Variants in POLR1D observed in about 807,000 individuals in gnomAD.
The protein encoded by POLR1D is DNA-directed RNA polymerases I and III subunit RPAC2.
A neutral mutation model predicts 10.8 loss-of-function variants in POLR1D; 8 were observed. That is an observed-to-expected ratio of 0.74 (90% confidence interval 0.43 to 1.33). The LOEUF (loss-of-function observed/expected upper bound fraction) is 1.33. Among genes scored for constraint, POLR1D ranks in the 40% most tolerant of loss-of-function variants. The probability of loss-of-function intolerance (pLI) is 0.01; values close to 1 mark genes in which losing one functional copy is unlikely to be tolerated. For synonymous variants in POLR1D, 54 were observed against 57.2 expected (o/e 0.94, Z 0.25); for missense variants, 152 against 161.7 (o/e 0.94, Z 0.32).
intron 2 of POLR1D, among the ~76,000 whole-genome samples, chr13:27,654,809 A>T (rs1377591828): frequency 6.6e-6 from 1 of 152,226 alleles, no homozygotes; most frequent in Admixed American, 6.5e-5. Flanking sequence ...CATGGTGGTA[A>T]AGAGTACAAT....
chr13:27,640,033 T>C (rs1407742025), intron 1 of POLR1D, among the ~76,000 whole-genome samples: 1 of 152,184 alleles, frequency 6.6e-6, no homozygotes, highest in African/African-American at 2.4e-5. Context: ...GTTTCTTGAC[T>C]TTTCCTTATA....
intron 2 of POLR1D, chr13:27,660,863 G>A (rs1337870639): frequency 2.6e-5 from 4 of 152,148 alleles, no homozygotes; most frequent in Admixed American, 6.5e-5. Flanking sequence ...TTTCCTTTCG[G>A]ATGACGGCTG....
At chr13:27,635,679 C>G (rs1245766667) in intron 1 of POLR1D, among the ~76,000 whole-genome samples, 1 of 139,708 alleles carries the variant, frequency 7.2e-6, no homozygotes, top group African/African-American at 2.6e-5. Context: ...GTTCAGTGCT[C>G]TATAGTTACA....
At chr13:27,661,806 CTA>C (rs1415213678) in intron 2 of POLR1D, among the ~76,000 whole-genome samples, 3 of 152,134 alleles carry the variant, frequency 2.0e-5, no homozygotes, top group Admixed American at 6.5e-5. Flanking sequence ...GGAAGGGACT[CTA>C]GAGATCACCC....
chr13:27,665,946 G>A (rs776979193), exon 3 of POLR1D: 6 of 1,614,026 alleles, frequency 3.7e-6, no homozygotes, highest in East Asian at 2.2e-5. Flanking sequence ...CGGTCCAACC[G>A]GCGGTGAGGC....
upstream of POLR1D, chr13:27,620,833 T>C (rs1283805053): frequency 6.5e-6 from 1 of 152,954 alleles, no homozygotes; most frequent in East Asian, 1.9e-4. Context: ...TGGCTAGGTG[T>C]CTGCGCGCAC....
intron 1 of POLR1D, among the ~76,000 whole-genome samples, chr13:27,628,908 C>T (rs944006202): frequency 1.3e-5 from 2 of 152,174 alleles, no homozygotes; most frequent in African/African-American, 4.8e-5. Context: ...CTTGACCTCC[C>T]AGGCTCAAGC....
At chr13:27,645,393 G>A (rs1956210183) in intron 1 of POLR1D, among the ~76,000 whole-genome samples, 1 of 152,124 alleles carries the variant, frequency 6.6e-6, no homozygotes, top group Non-Finnish European at 1.5e-5. Flanking sequence ...CAGAGGTTGG[G>A]TTTTGTTTGC....
At chr13:27,665,530 A>T in intron 2 of POLR1D, 1 of 693,200 alleles carries the variant, frequency 1.4e-6, no homozygotes, top group South Asian at 1.6e-5. Flanking sequence ...CCTGGTACTC[A>T]GAGTTTACAC....
At chr13:27,665,608 C>A in intron 2 of POLR1D, 3 of 1,302,314 alleles carry the variant, frequency 2.3e-6, no homozygotes, top group Non-Finnish European at 3.3e-6. Flanking sequence ...TTCTTTGGTA[C>A]TAATCACGAT....
At chr13:27,652,789 C>T (rs9512777) in intron 2 of POLR1D, among the ~76,000 whole-genome samples, 75,232 of 150,964 alleles carry the variant, frequency 0.5, 21,062 homozygotes, top group East Asian at 0.81. Flanking sequence ...ATCACTTGAA[C>T]CTGCAAGAGG....
intron 1 of POLR1D, among the ~76,000 whole-genome samples, chr13:27,643,662 G>C (rs1376499936): frequency 1.3e-5 from 2 of 152,150 alleles, no homozygotes. Context: ...CGAGTAGATA[G>C]TTCCATTTTT....
intron 1 of POLR1D, among the ~76,000 whole-genome samples, chr13:27,634,027 G>A (rs968508163): frequency 6.6e-6 from 1 of 152,186 alleles, no homozygotes; most frequent in African/African-American, 2.4e-5. Flanking sequence ...ATCAGACCTT[G>A]TAATTGAAGC....
downstream of POLR1D, chr13:27,623,560 C>G (rs1955975622): frequency 3.2e-6 from 1 of 317,250 alleles, no homozygotes; most frequent in Non-Finnish European, 6.0e-6. Flanking sequence ...GAGGCCTAGA[C>G]AAGAACTGTG....
exon 3 of POLR1D, chr13:27,667,398 G>A (rs1473515463): frequency 6.6e-6 from 1 of 152,136 alleles, no homozygotes; most frequent in African/African-American, 2.4e-5. Context: ...TAAAAATAAA[G>A]CTGAATTGTG....
chr13:27,643,814 T>A (rs544566514), intron 1 of POLR1D, among the ~76,000 whole-genome samples: 2 of 152,322 alleles, frequency 1.3e-5, no homozygotes, highest in East Asian at 3.9e-4. Flanking sequence ...TTAGATAACT[T>A]CCCAGTCAAC....
At chr13:27,665,098 T>TAA (rs1336773246) in intron 2 of POLR1D, 1 of 154,198 alleles carries the variant, frequency 6.5e-6, no homozygotes, top group Non-Finnish European at 1.4e-5. Context: ...GGAGATTGAG[T>TAA]AAAGTGCTCC....
chr13:27,621,068 A>C (rs1223912430), upstream of POLR1D: 1 of 153,322 alleles, frequency 6.5e-6, no homozygotes, highest in African/African-American at 2.4e-5. Context: ...GCCGGGACGC[A>C]GGGAGCTGGA....
Position 27,623,204 on chromosome 13 carries a change from A to C in POLR1D, c.356A>C (p.Lys119Thr). ...CTTGACAAGTTTGAGGCCAGCATAA[A>C]GGACTATAAGGATCAAAAAGCAAGC... The part of the protein sequence containing the change: ...HVLDKFEASI[K>T]DYKDQKASRN... Residue 119 changes from lysine to threonine, a missense_variant, in exon 2 of 2, where the codon AAG becomes ACG. Physicochemically the swap from Lys to Thr is moderately conservative, Grantham distance 78. Transcript: ENST00000302979. 1.9e-6 allele frequency: 3 copies of C among 1,614,188 alleles called. No homozygotes were observed. Among genetic ancestry groups the C allele is most frequent in the Non-Finnish European group, 1.7e-6 (2 of 1,180,032 alleles).
Sources: allele counts gnomAD v4.1 joint callset (sites outside exome capture counted in the v4.1 genomes callset), GRCh38; gene constraint gnomAD v4.1.1; transcripts MANE v1.5; gene names NCBI Gene and HGNC (gene_info 2026-07-23, HGNC 2026-07-21).